RBFOX1: variants seen among roughly 807,000 people sequenced by gnomAD.
RBFOX1 encodes RNA binding fox-1 homolog 1.
In RBFOX1, 8 loss-of-function variants were observed where a neutral mutation model predicts 57.7. The observed-to-expected ratio is 0.14, with a 90% CI of 0.08 to 0.25. The LOEUF (loss-of-function observed/expected upper bound fraction) is 0.25. RBFOX1 is among the 10% of genes least tolerant of loss of function. The probability of loss-of-function intolerance (pLI) is 1.00; values close to 1 mark genes in which losing one functional copy is unlikely to be tolerated. For missense variants in RBFOX1, 611 were observed against 548.5 expected (o/e 1.11, Z -1.14); for synonymous variants, 326 against 222.4 (o/e 1.47, Z -4.15).
intron 4 of RBFOX1, among the ~76,000 whole-genome samples, chr16:7,260,326 T>C (rs1203990218): frequency 6.6e-6 from 1 of 152,178 alleles, no homozygotes; most frequent in Non-Finnish European, 1.5e-5. Flanking sequence ...GGTGAAATAA[T>C]ACAGTGTGTG....
chr16:6,212,583 T>C (rs1429067151), intron 1 of RBFOX1, among the ~76,000 whole-genome samples: 2 of 152,080 alleles, frequency 1.3e-5, no homozygotes, highest in Non-Finnish European at 2.9e-5. Context: ...GGTGGGCGCC[T>C]GTAGTCCCAG....
chr16:5,907,149 G>A (rs2058478955), intron 4 of RBFOX1, among the ~76,000 whole-genome samples: 1 of 152,080 alleles, frequency 6.6e-6, no homozygotes. Flanking sequence ...CTTAAAATTT[G>A]GAAACTTTGC....
intron 1 of RBFOX1, among the ~76,000 whole-genome samples, chr16:6,123,396 C>A (rs571205697): frequency 5.3e-5 from 8 of 152,102 alleles, no homozygotes; most frequent in African/African-American, 1.9e-4. Context: ...GTGAAAGAAA[C>A]CAGATATAAA....
chr16:6,871,602 C>G (rs567933257), intron 3 of RBFOX1, among the ~76,000 whole-genome samples: 6 of 152,122 alleles, frequency 3.9e-5, no homozygotes, highest in South Asian at 2.1e-4. Flanking sequence ...CATTCTCCTT[C>G]TATTCTCCTG....
intron 2 of RBFOX1, among the ~76,000 whole-genome samples, chr16:6,527,039 C>T (rs546939700): frequency 2.0e-5 from 3 of 152,060 alleles, no homozygotes; most frequent in Non-Finnish European, 4.4e-5. Flanking sequence ...TTATTATTAG[C>T]CGCCTCCCAA....
At chr16:6,635,081 A>C (rs2098420980) in intron 2 of RBFOX1, among the ~76,000 whole-genome samples, 1 of 51,304 alleles carries the variant, frequency 1.9e-5, no homozygotes, top group African/African-American at 3.7e-5. Context: ...ATTTTAATTT[A>C]TATATCATAT....
At chr16:5,567,363 G>A (rs2046109071) in intron 2 of RBFOX1, among the ~76,000 whole-genome samples, 1 of 152,148 alleles carries the variant, frequency 6.6e-6, no homozygotes, top group Admixed American at 6.5e-5. Flanking sequence ...GTATCATTCT[G>A]TACAATGTTC....
chr16:7,244,329 A>C (rs1025233854), intron 4 of RBFOX1, among the ~76,000 whole-genome samples: 2 of 151,380 alleles, frequency 1.3e-5, no homozygotes, highest in African/African-American at 4.9e-5. Context: ...TGATCTTGAA[A>C]GTTGCTGGCC....
rs2097660402 is a variant in RBFOX1 at position 6,256,151 on chromosome 16, ATATATATG to A, written c.-126-60836_-126-60829del. Among the ~76,000 whole-genome samples, 5 of 61,684 alleles carry A rather than the reference ATATATATG, an allele frequency of 8.1e-5. No homozygotes were observed. The South Asian group carries it at 2.9e-3, about 35-fold the overall frequency. The allele number at this position is 61,684 out of a possible 152,430, so 40.5% of individuals were successfully genotyped here. A position where few individuals can be genotyped will look rare whatever the true frequency, so the allele number is the denominator to read the frequency against. The stretch of plus-strand genomic sequence containing the variant: ...AATATATATATATGTGTGTATATAT[ATATATATG>A]TATATATATATGTATATATATATAT... On this transcript the variant is annotated intron_variant, in intron 1 of 15. Transcript: ENST00000550418.
At chr16:5,956,147 G>T (rs549156151) in intron 4 of RBFOX1, among the ~76,000 whole-genome samples, 1 of 151,956 alleles carries the variant, frequency 6.6e-6, no homozygotes, top group Non-Finnish European at 1.5e-5. Flanking sequence ...GTGGTGGCGC[G>T]CACCTGTACC....
At chr16:7,080,939 A>G (rs2059099722) in intron 4 of RBFOX1, among the ~76,000 whole-genome samples, 1 of 152,212 alleles carries the variant, frequency 6.6e-6, no homozygotes, top group South Asian at 2.1e-4. Flanking sequence ...AGCAAAACAC[A>G]GATAGCACCT....
chr16:5,389,984 A>G (rs1047705051), intron 1 of RBFOX1, among the ~76,000 whole-genome samples: 1 of 151,778 alleles, frequency 6.6e-6, no homozygotes, highest in Non-Finnish European at 1.5e-5. Flanking sequence ...CAGGCATGAG[A>G]CACCATGCCC....
intron 4 of RBFOX1, among the ~76,000 whole-genome samples, chr16:7,085,818 G>C (rs2059902988): frequency 6.6e-6 from 1 of 152,112 alleles, no homozygotes; most frequent in African/African-American, 2.4e-5. Flanking sequence ...ATCAATCCTG[G>C]TTTGTTCAGA....
chr16:7,595,404 G>A (rs1179768148), intron 7 of RBFOX1, 145 bp from the exon 8 acceptor site: 3 of 528,498 alleles, frequency 5.7e-6, no homozygotes, highest in Admixed American at 3.7e-5. Context: ...GCACATCTCA[G>A]TACTCTTATA....
chr16:5,523,792 A>T (rs2044122291), intron 2 of RBFOX1, among the ~76,000 whole-genome samples: 1 of 152,158 alleles, frequency 6.6e-6, no homozygotes. Context: ...TACTGCCTCC[A>T]AGGTGGGGAG....
At chr16:7,168,352 G>A (rs2079992911) in intron 4 of RBFOX1, among the ~76,000 whole-genome samples, 2 of 152,112 alleles carry the variant, frequency 1.3e-5, no homozygotes, top group Non-Finnish European at 2.9e-5. Context: ...TGTCTGATAT[G>A]TGCTAGGGTG....
chr16:6,465,335 A>G (rs1011698127), intron 2 of RBFOX1, among the ~76,000 whole-genome samples: 1 of 152,348 alleles, frequency 6.6e-6, no homozygotes, highest in African/African-American at 2.4e-5. Flanking sequence ...TTCGTAAAGA[A>G]TAGTACATAC....
At chr16:7,317,123 A>T (rs138726906) in intron 4 of RBFOX1, among the ~76,000 whole-genome samples, 1 of 152,076 alleles carries the variant, frequency 6.6e-6, no homozygotes, top group Admixed American at 6.6e-5. Context: ...GGTGTCAAGT[A>T]GGAAGTCACT....
chr16:6,802,064 T>C (rs964295990), intron 3 of RBFOX1, among the ~76,000 whole-genome samples: 6 of 152,024 alleles, frequency 3.9e-5, no homozygotes, highest in African/African-American at 1.4e-4. Context: ...GGGAGTTTCT[T>C]CAGATCCCAG....
Sources: gnomAD v4.1 joint callset for allele counts (sites outside exome capture counted in the v4.1 genomes callset) on GRCh38, gnomAD v4.1.1 for gene constraint, MANE v1.5 for transcripts, NCBI Gene and HGNC (gene_info 2026-07-23, HGNC 2026-07-21) for gene names.